The following TMEM255B variants were observed in gnomAD, a reference collection of about 807,000 sequenced individuals.
TMEM255B encodes the protein family with sequence similarity 70, member B.
TMEM255B carries 35 observed loss-of-function variants against 34.5 expected under a neutral mutation model. The ratio of observed to expected loss-of-function variants is 1.01; its 90% CI spans 0.77 to 1.34. TMEM255B has a LOEUF of 1.34. Among genes scored for constraint, TMEM255B ranks in the 40% most tolerant of loss-of-function variants. The pLI is 0.00. For missense variants in TMEM255B, 432 were observed against 433.2 expected, an observed-to-expected ratio of 1.00 and a Z score of 0.02; for synonymous variants, 206 against 201.2, an observed-to-expected ratio of 1.02 and a Z score of -0.20.
At position 113,770,960 on chromosome 13, in the gene TMEM255B, A is replaced by G. The variant is rs2050468570; in HGVS notation, c.252+1800A>G. ...TTGGCGATGCACAGGATGGGTGGAC[A>G]GTGTGGGTCTGTTTTTCTTTCCTTT... is the stretch of plus-strand genomic sequence containing the variant. On this transcript the variant is annotated intron_variant, in intron 3 of 8. Coordinates refer to ENST00000375353, the MANE Select transcript of TMEM255B (RefSeq NM_182614.4). The surrounding 1 kb of genome is among the most constrained non-coding windows in gnomAD (Gnocchi z 4.6). Among the ~76,000 whole-genome samples, 1 of 152,230 alleles carries G rather than the reference A, an allele frequency of 6.6e-6. No individual in the cohort carries two copies. The highest frequency in any genetic ancestry group is 6.5e-5 in the Admixed American group (1 of 15,288).
rs754515975 is a variant in TMEM255B, at chr13:113,811,779, C to T, written c.857C>T (p.Ser286Leu). 4.0e-5 allele frequency: 65 copies of T among 1,613,914 alleles called. No homozygotes were observed. The highest frequency in any genetic ancestry group is 6.7e-5 in the East Asian group (3 of 44,882). ...GTTGCGCCCTCCTCTGCCCTGGCTT[C>T]GTCTGAGGACCTGCAGCCCCCTTCT... Reference protein sequence around the residue: ...FPVAPSSALASSEDLQPPSPS... With the variant: ...FPVAPSSALALSEDLQPPSPS... Residue 286 changes from serine to leucine, a missense_variant, in exon 9 of 9, where the codon TCG (serine) becomes TTG (leucine). Coordinates refer to ENST00000375353, the MANE Select transcript of TMEM255B (RefSeq NM_182614.4).
intron 3 of TMEM255B, among the ~76,000 whole-genome samples, chr13:113,793,644 A>G (rs1340937129): frequency 6.6e-6 from 1 of 152,356 alleles, no homozygotes; most frequent in Non-Finnish European, 1.5e-5. Context: ...GGCATCGGTG[A>G]CTGCCAAGCG....
intron 6 of TMEM255B, among the ~76,000 whole-genome samples, 158 bp downstream of exon 6, chr13:113,801,070 A>C (rs529796135): frequency 6.6e-6 from 1 of 151,870 alleles, no homozygotes; most frequent in Non-Finnish European, 1.5e-5. Flanking sequence ...ATGTGCCTGC[A>C]GGGGTGAGGC....
chr13:113,788,575 A>G (rs930126457), intron 3 of TMEM255B, among the ~76,000 whole-genome samples: 16 of 151,912 alleles, frequency 1.1e-4, no homozygotes. Context: ...TGCTGGATTT[A>G]TGGCGTACAC....
intron 3 of TMEM255B, among the ~76,000 whole-genome samples, chr13:113,785,973 C>T (rs1190288641): frequency 6.6e-6 from 1 of 152,188 alleles, no homozygotes; most frequent in Non-Finnish European, 1.5e-5. Context: ...CTGAGGCAGT[C>T]TCCCACTTCG....
intron 1 of TMEM255B, among the ~76,000 whole-genome samples, chr13:113,763,294 T>C (rs989282479): frequency 2.6e-5 from 4 of 152,244 alleles, no homozygotes; most frequent in Admixed American, 2.0e-4. Context: ...TGGAATTGCA[T>C]ATATTTTTAA....
chr13:113,810,304 T>G (rs530189176), intron 8 of TMEM255B, among the ~76,000 whole-genome samples: 51 of 152,322 alleles, frequency 3.3e-4, no homozygotes, highest in African/African-American at 1.2e-3. Context: ...TTTGCTTTAT[T>G]TATTTAAAAT....
intron 8 of TMEM255B, among the ~76,000 whole-genome samples, chr13:113,810,169 G>T (rs540609050): frequency 3.4e-4 from 51 of 152,210 alleles, no homozygotes; most frequent in African/African-American, 1.2e-3. Flanking sequence ...TGCTGAACAC[G>T]CAGGCTCAGA....
At chr13:113,766,356 G>A in intron 2 of TMEM255B, 99 bp downstream of exon 2, 1 of 1,559,012 alleles carries the variant, frequency 6.4e-7, no homozygotes, top group Non-Finnish European at 8.8e-7. Flanking sequence ...TGGGGCTGAA[G>A]GTGGGGAGGC....
chr13:113,792,009 T>C (rs572836643), intron 3 of TMEM255B, among the ~76,000 whole-genome samples: 1 of 152,282 alleles, frequency 6.6e-6, no homozygotes, highest in East Asian at 1.9e-4. Context: ...CCCCCGGAAC[T>C]GCGGGAGGCC....
intron 3 of TMEM255B, among the ~76,000 whole-genome samples, chr13:113,771,052 T>A (rs557272241): frequency 6.6e-6 from 1 of 152,222 alleles, no homozygotes; most frequent in Admixed American, 6.5e-5. Context: ...AGCACACAAT[T>A]CAATGGTTTT....
In TMEM255B at chr13:113,770,724, TCA is replaced by T. The variant is rs1405999142; in HGVS notation, c.252+1572_252+1573del. ...CAGCTGACCAGGGTGGGCAAAGGCC[TCA>T]CACACACCAGTCACAGAATGGTGTT... On this transcript the variant is annotated intron_variant, in intron 3 of 8. Coordinates refer to ENST00000375353, the MANE Select transcript of TMEM255B (RefSeq NM_182614.4). The surrounding 1 kb of genome is among the most constrained non-coding windows in gnomAD (Gnocchi z 4.6). Among the ~76,000 whole-genome samples the T allele has an allele frequency of 6.6e-6, 1 of 152,034 alleles. No homozygotes were observed. Among genetic ancestry groups the T allele is most frequent in the African/African-American group, 2.4e-5 (1 of 41,402 alleles).
chr13:113,804,781 C>T (rs2051136087), intron 7 of TMEM255B, 104 bp from the exon 8 acceptor site: 4 of 1,076,510 alleles, frequency 3.7e-6, no homozygotes, highest in African/African-American at 1.6e-5. Context: ...TTAGTTCCAG[C>T]CTGAGAGTCG....
chr13:113,774,725 TAC>T (rs888056345), intron 3 of TMEM255B, among the ~76,000 whole-genome samples: 8 of 94,378 alleles, frequency 8.5e-5, no homozygotes, highest in South Asian at 3.8e-4. Flanking sequence ...CCACATACAC[TAC>T]ACACACGACA....
rs1029793868 is a variant in TMEM255B at position 113,816,828 on chromosome 13, C to A, written c.*4925C>A. 3.9e-5 allele frequency: 6 copies of A among 152,226 alleles called. No individual in the cohort carries two copies. The highest frequency in any genetic ancestry group is 1.4e-4 in the African/African-American group (6 of 41,424). The allele number at this position is 152,226 out of a possible 1,614,324, so 9.4% of individuals were successfully genotyped here. A position where few individuals can be genotyped will look rare whatever the true frequency, so the allele number is the denominator to read the frequency against. On this transcript the variant is annotated 3_prime_UTR_variant, in exon 9 of 9. Coordinates refer to ENST00000375353, the MANE Select transcript of TMEM255B (RefSeq NM_182614.4). ...AAACAAGGGCACCATGGAGCGGACC[C>A]TCCCCCTCTCCCCTCGTGGAGTCCT...
chr13:113,780,305 G>GT (rs2050646970), intron 3 of TMEM255B, among the ~76,000 whole-genome samples: 1 of 152,210 alleles, frequency 6.6e-6, no homozygotes, highest in African/African-American at 2.4e-5. Context: ...AAAATAACCA[G>GT]TTTCTCCAAT....
At chr13:113,801,547 G>A in intron 6 of TMEM255B, 106 bp from the exon 7 acceptor site, 1 of 1,335,112 alleles carries the variant, frequency 7.5e-7, no homozygotes, top group Non-Finnish European at 1.0e-6. Context: ...CTCCAGCCCT[G>A]ATTTCCTCCC....
Position 113,777,702 on chromosome 13 carries a change from C to G in TMEM255B, c.252+8542C>G, listed in dbSNP as rs116036146. Reference sequence around the variant, plus strand: ...AATCCCCAGGGTCCCCGCACCAGGTCCCTTGTCCTAAGGAGGGGGATGAGC... The same window carrying G: ...AATCCCCAGGGTCCCCGCACCAGGTGCCTTGTCCTAAGGAGGGGGATGAGC... On this transcript the variant is annotated intron_variant, in intron 3 of 8. Transcript: ENST00000375353. Among the ~76,000 whole-genome samples the G allele has an allele frequency of 5.8e-3, 885 of 152,314 alleles. 4 individuals carry two copies. The highest frequency in any genetic ancestry group is 0.02 in the African/African-American group (825 of 41,578).
In TMEM255B at chr13:113,816,968, G is replaced by T. The variant is rs986469483; in HGVS notation, c.*5065G>T. On this transcript the variant is annotated 3_prime_UTR_variant, in exon 9 of 9. Transcript: ENST00000375353. The stretch of plus-strand genomic sequence containing the variant: ...GGCTGTACATTTGCTTTATGCTTCC[G>T]TTGGCATTTAAAAATCTGATGTTCA... The T allele has an allele frequency of 2.0e-5, 3 of 152,166 alleles. No homozygotes were observed. Among genetic ancestry groups the T allele is most frequent in the Non-Finnish European group, 4.4e-5 (3 of 68,052 alleles). 9.4% of individuals were successfully genotyped at this position (152,166 alleles called of 1,614,324 possible). A position where few individuals can be genotyped will look rare whatever the true frequency, so the allele number is the denominator to read the frequency against.
Sources: gnomAD v4.1 joint callset for allele counts (sites outside exome capture counted in the v4.1 genomes callset) on GRCh38, gnomAD v4.1.1 for gene constraint, Gnocchi (gnomAD v3.1) non-coding constraint, MANE v1.5 for transcripts, NCBI Gene and HGNC (gene_info 2026-07-23, HGNC 2026-07-21) for gene names.